Variants in SLC4A10 observed in about 807,000 individuals in gnomAD.
SLC4A10 encodes the protein sodium-driven chloride bicarbonate exchanger.
SLC4A10 carries 42 observed loss-of-function variants against 137.7 expected under a neutral mutation model. The ratio of observed to expected loss-of-function variants is 0.30; its 90% CI spans 0.24 to 0.39. The LOEUF (loss-of-function observed/expected upper bound fraction) is 0.39, where lower values mean the gene tolerates loss of function less well. Ranked by LOEUF, SLC4A10 falls within the 10% of genes least tolerant of loss-of-function variation. The pLI, the probability that SLC4A10 is intolerant of heterozygous loss-of-function variation, is 1.00. For synonymous variants in SLC4A10, 474 were observed against 464.1 expected (o/e 1.02, Z -0.27); for missense variants, 925 against 1,355.0 (o/e 0.68, Z 4.98).
chr2:161,824,973 G>A (rs2057917234), intron 3 of SLC4A10, among the ~76,000 whole-genome samples: 2 of 152,110 alleles, frequency 1.3e-5, no homozygotes, highest in Admixed American at 1.3e-4. Flanking sequence ...TGAAGACAAT[G>A]AGGATCAAGT....
At chr2:161,742,673 C>T (rs2048032315) in intron 1 of SLC4A10, among the ~76,000 whole-genome samples, 1 of 151,974 alleles carries the variant, frequency 6.6e-6, no homozygotes, top group Admixed American at 6.6e-5. Context: ...CTCCTGACCT[C>T]AAGTGATCCT....
intron 1 of SLC4A10, among the ~76,000 whole-genome samples, chr2:161,640,505 C>T (rs923891343): frequency 3.9e-5 from 6 of 152,150 alleles, no homozygotes; most frequent in African/African-American, 7.2e-5. Flanking sequence ...TCAATTAACT[C>T]GGTAAACATT....
At chr2:161,677,743 T>C (rs1313034208) in intron 1 of SLC4A10, among the ~76,000 whole-genome samples, 1 of 152,226 alleles carries the variant, frequency 6.6e-6, no homozygotes, top group African/African-American at 2.4e-5. Flanking sequence ...CTATGTTTAC[T>C]TTATATATGA....
chr2:161,664,333 A>G (rs1004384842), intron 1 of SLC4A10, among the ~76,000 whole-genome samples: 44 of 152,090 alleles, frequency 2.9e-4, no homozygotes, highest in African/African-American at 9.4e-4. Flanking sequence ...AATAGTCAGA[A>G]CAGCATTTGT....
chr2:161,636,153 AT>A (rs1279197731), intron 1 of SLC4A10, among the ~76,000 whole-genome samples: 9 of 151,840 alleles, frequency 5.9e-5, no homozygotes, highest in Admixed American at 1.3e-4. Context: ...TTTGGTGCAA[AT>A]TTTTTTTGAA....
rs181121282 is a variant in SLC4A10 at position 161,731,005 on chromosome 2, C to A, written c.49-39968C>A. Among the ~76,000 whole-genome samples the A allele has an allele frequency of 2.3e-3, 356 of 152,202 alleles. 1 individual carries two copies. The highest frequency in any genetic ancestry group is 8.1e-3 in the African/African-American group (335 of 41,556). On this transcript the variant is annotated intron_variant, in intron 1 of 26. Coordinates refer to ENST00000446997, the MANE Select transcript of SLC4A10 (RefSeq NM_001178015.2). The stretch of plus-strand genomic sequence containing the variant: ...TGGTGAATCATGAAGATGTACATTT[C>A]TAGTCATTTAATAAATGTTGTTTTG...
At chr2:161,647,739 G>A (rs552496445) in intron 1 of SLC4A10, among the ~76,000 whole-genome samples, 2 of 152,270 alleles carry the variant, frequency 1.3e-5, no homozygotes, top group East Asian at 3.9e-4. Flanking sequence ...TGTTTTCCCT[G>A]TAGCTTCAGT....
intron 8 of SLC4A10, among the ~76,000 whole-genome samples, chr2:161,874,862 G>T (rs1202857567): frequency 6.6e-6 from 1 of 152,176 alleles, no homozygotes; most frequent in African/African-American, 2.4e-5. Context: ...TCGTTGTGAA[G>T]ATTTAATGAG....
At chr2:161,659,896 A>C (rs1029500320) in intron 1 of SLC4A10, among the ~76,000 whole-genome samples, 9 of 152,232 alleles carry the variant, frequency 5.9e-5, no homozygotes, top group African/African-American at 1.2e-4. Flanking sequence ...GAAAGAAGCC[A>C]GTCACAAAAG....
At chr2:161,736,831 C>A (rs953465049) in intron 1 of SLC4A10, among the ~76,000 whole-genome samples, 1 of 152,002 alleles carries the variant, frequency 6.6e-6, no homozygotes, top group Non-Finnish European at 1.5e-5. Context: ...TCTTAAACAT[C>A]CTTATAAATG....
At position 161,804,607 on chromosome 2, in the gene SLC4A10, TCTC is replaced by T. The variant is rs2055721623; in HGVS notation, c.277+15_277+17del. 1.9e-6 allele frequency: 3 copies of T among 1,597,064 alleles called. No homozygotes were observed. The highest frequency in any genetic ancestry group is 2.6e-6 in the Non-Finnish European group (3 of 1,171,366). On this transcript the variant is annotated intron_variant, in intron 3 of 26. Transcript: ENST00000446997. ...GTCACCTTCTTTTGGTAAGAATCCT[TCTC>T]CTTGTTTTTATTAAGTTAATTATTG...
intron 2 of SLC4A10, among the ~76,000 whole-genome samples, chr2:161,773,916 T>C (rs2051991746): frequency 6.6e-6 from 1 of 151,718 alleles, no homozygotes; most frequent in African/African-American, 2.4e-5. Context: ...AATCATGCGG[T>C]CGGTACATTC....
intron 15 of SLC4A10, among the ~76,000 whole-genome samples, chr2:161,923,567 C>T (rs1389505383): frequency 1.1e-4 from 16 of 151,932 alleles, no homozygotes; most frequent in East Asian, 9.7e-4. Context: ...AGCAAACTAT[C>T]GCGAGGACAA....
At chr2:161,816,575 C>T (rs1172961866) in intron 3 of SLC4A10, among the ~76,000 whole-genome samples, 3 of 151,812 alleles carry the variant, frequency 2.0e-5, no homozygotes, top group Non-Finnish European at 4.4e-5. Context: ...GTGTGCTGCA[C>T]CCATTAACTC....
intron 3 of SLC4A10, among the ~76,000 whole-genome samples, chr2:161,814,667 C>T (rs1243152621): frequency 1.3e-5 from 2 of 152,080 alleles, no homozygotes; most frequent in Non-Finnish European, 2.9e-5. Context: ...AATGCAGGAA[C>T]AGAAAACCAA....
chr2:161,953,136 A>G (rs1055443742), intron 19 of SLC4A10, among the ~76,000 whole-genome samples: 4 of 152,188 alleles, frequency 2.6e-5, no homozygotes, highest in African/African-American at 9.6e-5. Context: ...TTATGTATCA[A>G]ACACTTGGTA....
intron 1 of SLC4A10, among the ~76,000 whole-genome samples, chr2:161,652,565 G>T (rs1228148540): frequency 1.3e-5 from 2 of 152,076 alleles, no homozygotes; most frequent in African/African-American, 2.4e-5. Flanking sequence ...AGTTTTCAGG[G>T]TTCTCTTTTT....
chr2:161,711,937 T>C (rs1165305447), intron 1 of SLC4A10, among the ~76,000 whole-genome samples: 1 of 151,820 alleles, frequency 6.6e-6, no homozygotes, highest in African/African-American at 2.4e-5. Context: ...ATCAAACATA[T>C]TATTGTCAAC....
At chr2:161,701,921 G>T (rs1261130889) in intron 1 of SLC4A10, among the ~76,000 whole-genome samples, 1 of 151,898 alleles carries the variant, frequency 6.6e-6, no homozygotes, top group African/African-American at 2.4e-5. Context: ...TGGCCAGGCT[G>T]CAGAGAAAGG....
Sources: allele counts gnomAD v4.1 joint callset (sites outside exome capture counted in the v4.1 genomes callset), GRCh38; gene constraint gnomAD v4.1.1; transcripts MANE v1.5; gene names NCBI Gene and HGNC (gene_info 2026-07-23, HGNC 2026-07-21).